The following EXOC6 variants were observed in gnomAD, a reference collection of about 807,000 sequenced individuals.
EXOC6 encodes SEC15-like 1.
In EXOC6, 60 loss-of-function variants were observed where a neutral mutation model predicts 112.5. That is an observed-to-expected ratio of 0.53 (90% CI 0.43 to 0.66). EXOC6 has a LOEUF of 0.66. EXOC6 is among the 30% of genes least tolerant of loss of function. EXOC6 has a pLI of 0.00. For synonymous variants in EXOC6, 295 were observed against 308.0 expected (o/e 0.96, Z 0.44); for missense variants, 855 against 957.1 (o/e 0.89, Z 1.41).
At chr10:93,020,515 C>T (rs1844735875) in intron 20 of EXOC6, among the ~76,000 whole-genome samples, 1 of 152,128 alleles carries the variant, frequency 6.6e-6, no homozygotes, top group African/African-American at 2.4e-5. Context: ...TCTTCTGTTT[C>T]TGTAGAGATG....
At chr10:92,891,475 A>G (rs1436238002) in intron 1 of EXOC6, among the ~76,000 whole-genome samples, 2 of 152,144 alleles carry the variant, frequency 1.3e-5, no homozygotes, top group Non-Finnish European at 2.9e-5. Flanking sequence ...AGATGCCAAG[A>G]ACCTAAATTC....
intron 19 of EXOC6, among the ~76,000 whole-genome samples, chr10:93,003,443 A>G (rs1843842165): frequency 6.6e-6 from 1 of 152,192 alleles, no homozygotes; most frequent in African/African-American, 2.4e-5. Context: ...TTTTGAAACA[A>G]TGTGTTGGTG....
At chr10:92,848,433 G>GGCCCCCC, upstream of EXOC6, 1 of 855,808 alleles carries the variant, frequency 1.2e-6, no homozygotes, top group Non-Finnish European at 1.4e-6. Context: ...CGGCCCGAGC[G>GGCCCCCC]CCCCGCCCCC....
At chr10:92,935,717 A>G (rs1852301438) in intron 11 of EXOC6, 97 bp from the exon 12 acceptor site, 1 of 898,204 alleles carries the variant, frequency 1.1e-6, no homozygotes, top group Non-Finnish European at 1.7e-6. Context: ...GCAGATTAAA[A>G]GAAACATTAT....
intron 18 of EXOC6, among the ~76,000 whole-genome samples, chr10:92,985,093 G>A (rs1842952759): frequency 1.3e-5 from 2 of 151,908 alleles, no homozygotes; most frequent in Admixed American, 1.3e-4. Context: ...TCCTCCTTTT[G>A]CCCCATCCCC....
rs140035457 is a variant in EXOC6, at chr10:92,936,248, A to T, written c.1212+363A>T. 4.8e-4 allele frequency among the ~76,000 whole-genome samples: 73 copies of T among 152,346 alleles called. No homozygotes were observed. In the South Asian group the frequency reaches 7.9e-3, roughly 16 times the overall value. On this transcript the variant is annotated intron_variant, in intron 12 of 21. Transcript: ENST00000260762. ...AGAAGTGGGTTCTAGAATCACATAG[A>T]CCCAGAGTTTCTGTTCTGCCTGTGC...
intron 17 of EXOC6, 75 bp from the exon 18 acceptor site, chr10:92,973,978 A>G: frequency 8.3e-7 from 1 of 1,204,874 alleles, no homozygotes; most frequent in African/African-American, 1.6e-5. Context: ...TAAATGTAAA[A>G]TAATATCTAG....
chr10:92,989,046 C>T (rs1228195508), intron 18 of EXOC6, among the ~76,000 whole-genome samples: 2 of 152,202 alleles, frequency 1.3e-5, no homozygotes, highest in African/African-American at 4.8e-5. Context: ...CTTTTATGGT[C>T]CTGTTTTTAT....
At chr10:92,986,429 A>G (rs1843011804) in intron 18 of EXOC6, among the ~76,000 whole-genome samples, 1 of 152,030 alleles carries the variant, frequency 6.6e-6, no homozygotes, top group South Asian at 2.1e-4. Context: ...GGTTAACACA[A>G]CTGCTGTCCC....
chr10:92,880,485 C>G (rs1848904622), intron 1 of EXOC6, among the ~76,000 whole-genome samples: 1 of 151,982 alleles, frequency 6.6e-6, no homozygotes, highest in South Asian at 2.1e-4. Context: ...TGAGCCTGTT[C>G]TTTTTATTAA....
At chr10:93,021,410 A>G (rs1484586753) in intron 20 of EXOC6, among the ~76,000 whole-genome samples, 1 of 152,216 alleles carries the variant, frequency 6.6e-6, no homozygotes, top group African/African-American at 2.4e-5. Flanking sequence ...CATGCATGCT[A>G]ATAAATGTAT....
chr10:92,831,502 C>T (rs1020617078), upstream of EXOC6: 12 of 340,546 alleles, frequency 3.5e-5, no homozygotes, highest in East Asian at 1.0e-4. Flanking sequence ...GGCGTGATCT[C>T]GGCTCACTGC....
intron 1 of EXOC6, among the ~76,000 whole-genome samples, chr10:92,858,029 C>CCCCA (rs1564777130): frequency 2.9e-5 from 4 of 136,112 alleles, no homozygotes; most frequent in Non-Finnish European, 4.6e-5. Flanking sequence ...GGTTCCCCCC[C>CCCCA]TCCGCCGGCC....
chr10:92,829,271 G>A (rs1846434017), intron 1 of EXOC6, among the ~76,000 whole-genome samples: 1 of 152,136 alleles, frequency 6.6e-6, no homozygotes, highest in African/African-American at 2.4e-5. Flanking sequence ...GCCAATCTGT[G>A]CGCCCTATGC....
intron 17 of EXOC6, among the ~76,000 whole-genome samples, chr10:92,967,856 C>T (rs1842130944): frequency 6.6e-6 from 1 of 152,192 alleles, no homozygotes; most frequent in Non-Finnish European, 1.5e-5. Context: ...CAGCTGCCTT[C>T]TGGAATTACT....
intron 19 of EXOC6, among the ~76,000 whole-genome samples, chr10:93,008,348 A>G (rs1844088406): frequency 1.3e-5 from 2 of 152,230 alleles, no homozygotes; most frequent in Non-Finnish European, 2.9e-5. Context: ...TAGTCTGGAA[A>G]TGATTTTTAC....
chr10:93,018,112 C>T (rs1387219871), intron 20 of EXOC6, among the ~76,000 whole-genome samples: 2 of 151,828 alleles, frequency 1.3e-5, no homozygotes, highest in African/African-American at 4.8e-5. Context: ...AAATCACACC[C>T]CCCTATATGT....
chr10:93,024,195 G>A (rs905683844), intron 20 of EXOC6, among the ~76,000 whole-genome samples: 5 of 152,126 alleles, frequency 3.3e-5, no homozygotes, highest in Non-Finnish European at 4.4e-5. Flanking sequence ...TAGAAAATAT[G>A]GAGAAGTTTA....
chr10:92,874,829 C>G (rs924038183), intron 1 of EXOC6, among the ~76,000 whole-genome samples: 1 of 152,166 alleles, frequency 6.6e-6, no homozygotes, highest in Non-Finnish European at 1.5e-5. Context: ...GTCTGACTTT[C>G]TCTGCTTCTC....
Sources: allele counts gnomAD v4.1 joint callset (sites outside exome capture counted in the v4.1 genomes callset), GRCh38; gene constraint gnomAD v4.1.1; transcripts MANE v1.5; gene names NCBI Gene and HGNC (gene_info 2026-07-23, HGNC 2026-07-21).